EPHB1: variants seen among roughly 807,000 people sequenced by gnomAD.
EPHB1 encodes EPH receptor B1.
Under a neutral mutation model 94.4 loss-of-function variants are expected in EPHB1, and 30 were observed. The ratio of observed to expected loss-of-function variants is 0.32; its 90% CI spans 0.24 to 0.43. The LOEUF (loss-of-function observed/expected upper bound fraction) is 0.43, where lower values mean the gene tolerates loss of function less well. EPHB1 is among the 20% of genes least tolerant of loss of function. EPHB1 has a pLI of 1.00. For missense variants in EPHB1, 1,055 were observed against 1,308.3 expected, an observed-to-expected ratio of 0.81 and a Z score of 2.99; for synonymous variants, 522 against 489.1, an observed-to-expected ratio of 1.07 and a Z score of -0.89.
At chr3:134,826,088 A>C (rs1014696448) in intron 1 of EPHB1, among the ~76,000 whole-genome samples, 27 of 110,304 alleles carry the variant, frequency 2.4e-4, no homozygotes, top group African/African-American at 1.2e-3. Flanking sequence ...AAAAATACAA[A>C]AAAAAAAAAA....
chr3:134,907,353 G>T (rs576869861), intron 1 of EPHB1, among the ~76,000 whole-genome samples: 2 of 152,310 alleles, frequency 1.3e-5, no homozygotes, highest in South Asian at 4.1e-4. Context: ...TCTTCTGCTG[G>T]TAGACAAAGC....
chr3:135,054,918 T>C (rs1322583930), intron 3 of EPHB1, among the ~76,000 whole-genome samples: 1 of 152,232 alleles, frequency 6.6e-6, no homozygotes, highest in Non-Finnish European at 1.5e-5. Flanking sequence ...GCTTTCATTT[T>C]TGTTCAAATT....
rs553491230 is a variant in EPHB1, at chr3:135,082,658, C to T, written c.806-23790C>T. On this transcript the variant is annotated intron_variant, in intron 3 of 15. Coordinates refer to ENST00000398015, the MANE Select transcript of EPHB1 (RefSeq NM_004441.5). ...AAGCTGTAGAGAATAGGACACATTT[C>T]AGGTTTAGAGATGGGAGAGAAGGAC... Among the ~76,000 whole-genome samples, 5 of 152,250 alleles carry T rather than the reference C, an allele frequency of 3.3e-5. No homozygotes were observed. In the South Asian group the frequency reaches 1.0e-3, roughly 32 times the overall value.
intron 11 of EPHB1, among the ~76,000 whole-genome samples, chr3:135,196,377 G>T (rs1265160372): frequency 1.3e-5 from 2 of 152,102 alleles, no homozygotes; most frequent in Non-Finnish European, 2.9e-5. Context: ...TGCAGGGGAA[G>T]AAAACCTGGG....
intron 11 of EPHB1, among the ~76,000 whole-genome samples, chr3:135,193,695 T>G (rs1009836399): frequency 3.3e-5 from 5 of 152,130 alleles, no homozygotes; most frequent in Non-Finnish European, 7.4e-5. Context: ...AACCAAACAA[T>G]AGCTGTGGCT....
chr3:135,005,830 A>G (rs1474842153), intron 3 of EPHB1, among the ~76,000 whole-genome samples: 3 of 152,156 alleles, frequency 2.0e-5, no homozygotes, highest in Non-Finnish European at 4.4e-5. Flanking sequence ...CGCACGGTGC[A>G]CGCACCCACT....
At chr3:135,036,989 G>A (rs189616493) in intron 3 of EPHB1, among the ~76,000 whole-genome samples, 4 of 152,228 alleles carry the variant, frequency 2.6e-5, no homozygotes, top group African/African-American at 9.6e-5. Flanking sequence ...GAGCAATGGG[G>A]TGGTAAATAG....
At chr3:134,824,352 A>T (rs1320866172) in intron 1 of EPHB1, among the ~76,000 whole-genome samples, 1 of 152,148 alleles carries the variant, frequency 6.6e-6, no homozygotes, top group Admixed American at 6.5e-5. Flanking sequence ...TGCTGGGCAC[A>T]GTGCCAGTTG....
intron 1 of EPHB1, among the ~76,000 whole-genome samples, chr3:134,923,325 A>T (rs2038725499): frequency 1.3e-5 from 2 of 152,134 alleles, no homozygotes; most frequent in South Asian, 4.1e-4. Context: ...AGGTAGGCCC[A>T]TCATGTTAAG....
chr3:135,136,079 G>A (rs1047692548), intron 5 of EPHB1, among the ~76,000 whole-genome samples: 19 of 152,184 alleles, frequency 1.2e-4, no homozygotes. Context: ...TCAGCAGGAT[G>A]TCCCTTGTCT....
In EPHB1 at chr3:134,951,349, G is replaced by C. The variant is rs1313227511; in HGVS notation, c.124-22G>C. 3.3e-6 allele frequency: 5 copies of C among 1,518,778 alleles called. No homozygotes were observed. The highest frequency in any genetic ancestry group is 2.3e-5 in the East Asian group (1 of 43,904). The allele number at this position is 1,518,778 out of a possible 1,614,324, so 94.1% of individuals were successfully genotyped here. ...CTATTTTGTGTTTTTGCATGTGTGT[G>C]CCTGTGGCCTGCTATGTACAGTGGG... On this transcript the variant is annotated intron_variant, in intron 2 of 15. Coordinates refer to ENST00000398015, the MANE Select transcript of EPHB1 (RefSeq NM_004441.5). This position sits in a 1 kb window ranked among gnomAD's most constrained non-coding sequence, Gnocchi z 4.5.
chr3:134,840,748 A>G (rs2036760554), intron 1 of EPHB1, among the ~76,000 whole-genome samples: 1 of 152,212 alleles, frequency 6.6e-6, no homozygotes, highest in Non-Finnish European at 1.5e-5. Flanking sequence ...GCCGTTTTAC[A>G]GAGCACAGAA....
chr3:134,993,528 T>C (rs1934888550), intron 3 of EPHB1, among the ~76,000 whole-genome samples: 1 of 152,050 alleles, frequency 6.6e-6, no homozygotes, highest in South Asian at 2.1e-4. Context: ...ACTTCCAAGC[T>C]CAGCACTTTC....
chr3:135,055,151 G>T (rs1937311437), intron 3 of EPHB1, among the ~76,000 whole-genome samples: 1 of 152,094 alleles, frequency 6.6e-6, no homozygotes, highest in Non-Finnish European at 1.5e-5. Flanking sequence ...TTTAATGTCT[G>T]CCCATTTGGC....
At chr3:134,921,067 G>T (rs1185352328) in intron 1 of EPHB1, among the ~76,000 whole-genome samples, 2 of 152,084 alleles carry the variant, frequency 1.3e-5, no homozygotes, top group African/African-American at 4.8e-5. Context: ...GGTTTCTTAT[G>T]CATCTCATCC....
intron 3 of EPHB1, among the ~76,000 whole-genome samples, chr3:134,965,462 G>C (rs111257365): frequency 6.6e-6 from 1 of 152,116 alleles, no homozygotes; most frequent in Admixed American, 6.5e-5. Flanking sequence ...CACTTTGAGA[G>C]GCCATGGTAG....
At chr3:134,966,431 CAG>C (rs1461289541) in intron 3 of EPHB1, among the ~76,000 whole-genome samples, 3 of 152,230 alleles carry the variant, frequency 2.0e-5, no homozygotes, top group Non-Finnish European at 2.9e-5. Flanking sequence ...CAAGAAATGA[CAG>C]AGAGTTTCTT....
intron 12 of EPHB1, among the ~76,000 whole-genome samples, chr3:135,225,240 C>T (rs906048054): frequency 3.9e-5 from 6 of 152,186 alleles, no homozygotes; most frequent in East Asian, 3.9e-4. Flanking sequence ...AGATGCAAGG[C>T]GTAATCCAAA....
chr3:135,081,238 G>A (rs1195483233), intron 3 of EPHB1, among the ~76,000 whole-genome samples: 3 of 152,314 alleles, frequency 2.0e-5, no homozygotes, highest in African/African-American at 4.8e-5. Flanking sequence ...CAAGTTCTCA[G>A]AATGTGTGGC....
Sources: allele counts gnomAD v4.1 joint callset (sites outside exome capture counted in the v4.1 genomes callset), GRCh38; gene constraint gnomAD v4.1.1; non-coding constraint Gnocchi (gnomAD v3.1); transcripts MANE v1.5; gene names NCBI Gene and HGNC (gene_info 2026-07-23, HGNC 2026-07-21).